CRTAP: variants seen among roughly 807,000 people sequenced by gnomAD.
CRTAP encodes the protein cartilage associated protein.
A neutral mutation model predicts 42.7 loss-of-function variants in CRTAP; 33 were observed. The ratio of observed to expected loss-of-function variants is 0.77; its 90% CI spans 0.59 to 1.03. CRTAP has a LOEUF of 1.03. CRTAP is among the 50% of genes least tolerant of loss of function. The probability of loss-of-function intolerance (pLI) is 0.00; values close to 1 mark genes in which losing one functional copy is unlikely to be tolerated. For synonymous variants in CRTAP, 243 were observed against 217.7 expected, an observed-to-expected ratio of 1.12 and a Z score of -1.02; for missense variants, 613 against 533.9, an observed-to-expected ratio of 1.15 and a Z score of -1.46.
At chr3:33,137,628 A>C (rs1206717282) in intron 6 of CRTAP, among the ~76,000 whole-genome samples, 1 of 152,210 alleles carries the variant, frequency 6.6e-6, no homozygotes, top group African/African-American at 2.4e-5. Context: ...TGAATTGTAG[A>C]TATTTTCTCA....
At position 33,142,505 on chromosome 3, in the gene CRTAP, C is replaced by T. The variant is rs1012313495; in HGVS notation, c.*57C>T. On this transcript the variant is annotated 3_prime_UTR_variant, in exon 7 of 7. Transcript: ENST00000320954. ...GTTCAGGAAACACAGATTCTTTGTC[C>T]TTTTCCCAACAGCCCAGGCTGTTGA... 7.1e-6 allele frequency: 11 copies of T among 1,541,740 alleles called. No individual in the cohort carries two copies. Among genetic ancestry groups the T allele is most frequent in the Non-Finnish European group, 9.9e-6 (11 of 1,114,502 alleles).
At chr3:33,133,407 C>T (rs1423105132) in intron 5 of CRTAP, among the ~76,000 whole-genome samples, 1 of 151,848 alleles carries the variant, frequency 6.6e-6, no homozygotes, top group African/African-American at 2.4e-5. Context: ...TACAGGCGTG[C>T]ACCAACATAT....
chr3:33,130,220 T>C lies in CRTAP; in HGVS notation c.922+153T>C, dbSNP rs77192192. Among the ~76,000 whole-genome samples the C allele has an allele frequency of 1.1e-4, 16 of 152,320 alleles. No homozygotes were observed. The East Asian group carries it at 2.9e-3, about 28-fold the overall frequency. ...CTTTGCACAAAAAGGCAGCATGGCT[T>C]AGTGATTCAGGGCAGAGCCTGTAAC... On this transcript the variant is annotated intron_variant, in intron 4 of 6. Transcript: ENST00000320954.
At chr3:33,130,600 T>C (rs910732582) in intron 4 of CRTAP, among the ~76,000 whole-genome samples, 1 of 149,836 alleles carries the variant, frequency 6.7e-6, no homozygotes, top group African/African-American at 2.5e-5. Context: ...TGGTGTGATC[T>C]TGACTTACTG....
Position 33,129,969 on chromosome 3 carries a change from T to C in CRTAP, c.824T>C (p.Ile275Thr), listed in dbSNP as rs2030202258. The C allele has an allele frequency of 6.2e-7, 1 of 1,613,526 alleles. No individual in the cohort carries two copies. Among genetic ancestry groups the C allele is most frequent in the African/African-American group, 1.3e-5 (1 of 74,926 alleles). The change falls in exon 4 of 7, where the codon ATA (isoleucine) becomes ACA (threonine). Residue 275 changes from isoleucine (I) to threonine (T), a missense_variant. Transcript: ENST00000320954. ...TATGTAGAAGTTCTGGAATGCAAAA[T>C]ACAGTGTGAAGAGAACCTCACCCCA... ...DHYVEVLECK[I>T]QCEENLTPVI...
In CRTAP at chr3:33,140,468, A is replaced by T. The variant is rs920094020; in HGVS notation, c.1153-1927A>T. On this transcript the variant is annotated intron_variant, in intron 6 of 6. Coordinates refer to ENST00000320954, the MANE Select transcript of CRTAP (RefSeq NM_006371.5). ...AAGTAATACTTTGAAATGAAAATAT[A>T]ACCAAAATCATCAAATTCTTAGTTA... Among the ~76,000 whole-genome samples, 62 of 152,230 alleles carry T rather than the reference A, an allele frequency of 4.1e-4. 1 individual carries two copies. Among genetic ancestry groups the T allele is most frequent in the African/African-American group, 1.3e-3 (54 of 41,460 alleles).
At chr3:33,125,807 C>A (rs918848113) in intron 3 of CRTAP, among the ~76,000 whole-genome samples, 2 of 152,080 alleles carry the variant, frequency 1.3e-5, no homozygotes, top group Non-Finnish European at 2.9e-5. Context: ...AACAATCATT[C>A]TTTGATCTCA....
intron 2 of CRTAP, among the ~76,000 whole-genome samples, chr3:33,123,044 A>G (rs1262293270): frequency 6.6e-6 from 1 of 151,662 alleles, no homozygotes; most frequent in African/African-American, 2.4e-5. Context: ...GCTTACTGCA[A>G]CCTCCACCTC....
rs572679136 is a variant in CRTAP, at chr3:33,129,540, T to C, written c.794-399T>C. ...TTGAAAATATTTTTCTTTTTCTTTT[T>C]TTTTTTTTTTTTTTGGAGACGGAGT... is the stretch of plus-strand genomic sequence containing the variant. On this transcript the variant is annotated intron_variant, in intron 3 of 6. Coordinates refer to ENST00000320954, the MANE Select transcript of CRTAP (RefSeq NM_006371.5). Among the ~76,000 whole-genome samples, 356 of 144,862 alleles carry C rather than the reference T, an allele frequency of 2.5e-3. 1 individual carries two copies. Among genetic ancestry groups the C allele is most frequent in the African/African-American group, 8.4e-3 (335 of 39,698 alleles).
In CRTAP at chr3:33,145,590, G is replaced by A. The variant is rs12635415; in HGVS notation, c.*3142G>A. On this transcript the variant is annotated 3_prime_UTR_variant, in exon 7 of 7. Transcript: ENST00000320954. This position sits in a 1 kb window ranked among gnomAD's most constrained non-coding sequence, Gnocchi z 4.3. ...ACCCAGCGAGTGGACGCCCTGCTCC[G>A]GGATTCCTGAGTCTGTAAATAGTGT... is the stretch of plus-strand genomic sequence containing the variant. 20,794 of 152,358 alleles carry A rather than the reference G, an allele frequency of 0.14. 1,713 individuals carry two copies. The highest frequency in any genetic ancestry group is 0.25 in the East Asian group (1,267 of 5,168). 9.4% of individuals were successfully genotyped at this position (152,358 alleles called of 1,614,324 possible). A position where few individuals can be genotyped will look rare whatever the true frequency, so the allele number is the denominator to read the frequency against.
rs779938681 is a variant in CRTAP, at chr3:33,114,240, T to C, written c.163T>C (p.Tyr55His). Residue 55 changes from tyrosine (Y) to histidine (H), a missense_variant, in exon 1 of 7, where the codon TAC (tyrosine) becomes CAC (histidine). By Grantham distance (83) the Tyr-to-His change is moderately conservative. Transcript: ENST00000320954. ...ESAYRHALDK[Y>H]SGEHWAESVG... ...GGCCTACCGGCACGCGCTGGACAAG[T>C]ACAGCGGCGAGCACTGGGCCGAGAG... The C allele has an allele frequency of 1.3e-6, 2 of 1,590,852 alleles. No individual in the cohort carries two copies. The highest frequency in any genetic ancestry group is 1.7e-6 in the Non-Finnish European group (2 of 1,174,700).
chr3:33,134,050 C>T, intron 5 of CRTAP, 132 bp from the exon 6 acceptor site: 2 of 706,650 alleles, frequency 2.8e-6, no homozygotes, highest in Non-Finnish European at 5.2e-6. Flanking sequence ...CAGAGTTGTA[C>T]AGCCATTACC....
intron 2 of CRTAP, 135 bp downstream of exon 2, chr3:33,120,628 A>G: frequency 2.2e-6 from 3 of 1,350,644 alleles, no homozygotes; most frequent in Non-Finnish European, 3.1e-6. Context: ...GACAATAGAA[A>G]TGATTGACTT....
chr3:33,115,086 GGC>G (rs1470618683), intron 1 of CRTAP, among the ~76,000 whole-genome samples: 4 of 152,102 alleles, frequency 2.6e-5, no homozygotes, highest in Admixed American at 2.6e-4. Flanking sequence ...TGGGATTATA[GGC>G]GCGCGCCACC....
chr3:33,120,582 C>T lies in CRTAP; in HGVS notation c.621+89C>T, dbSNP rs117323176. 193 of 1,545,548 alleles carry T rather than the reference C, an allele frequency of 1.2e-4. 1 individual carries two copies. In the East Asian group the frequency reaches 4.7e-3, roughly 37 times the overall value. On this transcript the variant is annotated intron_variant, in intron 2 of 6. Transcript: ENST00000320954. ...TAAGCAGCTGCTGATAGCTAAGGAC[C>T]TCTAGTGATTTTTGGTGACATTTGC...
In CRTAP at chr3:33,142,663, CCTT is replaced by C; in HGVS notation, c.*216_*218del. Reference sequence around the variant, plus strand: ...CTCATGTTCACACCTATCTTTCTCACCTTTTTTTTGAGATGGAGTCTCGCTCTC... The same window carrying C: ...CTCATGTTCACACCTATCTTTCTCACTTTTTTGAGATGGAGTCTCGCTCTC... On this transcript the variant is annotated 3_prime_UTR_variant, in exon 7 of 7. Coordinates refer to ENST00000320954, the MANE Select transcript of CRTAP (RefSeq NM_006371.5). The C allele has an allele frequency of 1.8e-6, 1 of 544,976 alleles. No homozygotes were observed. The highest frequency in any genetic ancestry group is 3.1e-5 in the East Asian group (1 of 32,032). The allele number at this position is 544,976 out of a possible 1,614,324, so 33.8% of individuals were successfully genotyped here.
intron 4 of CRTAP, among the ~76,000 whole-genome samples, chr3:33,130,973 T>A (rs2030243824): frequency 6.6e-6 from 1 of 152,184 alleles, no homozygotes; most frequent in Non-Finnish European, 1.5e-5. Context: ...GTTTCGGCTT[T>A]TCCTCCTCTC....
chr3:33,122,972 T>G (rs2029928093), intron 2 of CRTAP, among the ~76,000 whole-genome samples: 1 of 148,882 alleles, frequency 6.7e-6, no homozygotes, highest in Non-Finnish European at 1.5e-5. Context: ...TCTCTCTCTC[T>G]TTTTTTTTTG....
chr3:33,147,420 C>T lies in CRTAP; in HGVS notation c.*4972C>T, dbSNP rs996761796. On this transcript the variant is annotated 3_prime_UTR_variant, in exon 7 of 7. Transcript: ENST00000320954. ...CACATATCCTTGCACCTGACACTGT[C>T]CCCACACAAATAGCTGGCTTTCGTT... is the stretch of plus-strand genomic sequence containing the variant. 6.6e-6 allele frequency: 1 copy of T among 152,670 alleles called. No individual in the cohort carries two copies. 9.5% of individuals were successfully genotyped at this position (152,670 alleles called of 1,614,324 possible). A position where few individuals can be genotyped will look rare whatever the true frequency, so the allele number is the denominator to read the frequency against.
Sources: allele counts gnomAD v4.1 joint callset (sites outside exome capture counted in the v4.1 genomes callset), GRCh38; gene constraint gnomAD v4.1.1; non-coding constraint Gnocchi (gnomAD v3.1); transcripts MANE v1.5; gene names NCBI Gene and HGNC (gene_info 2026-07-23, HGNC 2026-07-21).